The following CADPS2 variants were observed in gnomAD, a reference collection of about 807,000 sequenced individuals.
The protein encoded by CADPS2 is calcium dependent secretion activator 2, also known as calcium-dependent secretion activator 2.
CADPS2 carries 93 observed loss-of-function variants against 172.5 expected under a neutral mutation model. The ratio of observed to expected loss-of-function variants is 0.54; its 90% CI spans 0.46 to 0.64. The LOEUF is 0.64. Among genes scored for constraint, CADPS2 ranks in the 30% least tolerant of loss-of-function variants. CADPS2 has a pLI of 0.00. For synonymous variants in CADPS2, 546 were observed against 555.2 expected (o/e 0.98, Z 0.23); for missense variants, 1,420 against 1,565.9 (o/e 0.91, Z 1.57).
rs1158141537 is a variant in CADPS2 at position 122,886,174 on chromosome 7, C to T, written c.164G>A (p.Arg55Lys). Residue 55 changes from arginine (R) to lysine (K), a missense_variant, in exon 1 of 30, where the codon AGA becomes AAA. Coordinates refer to ENST00000449022, the MANE Select transcript of CADPS2 (RefSeq NM_017954.11). ...PGRAGGGGAARSVSPSPSVLS... is the reference protein window; with the variant it reads ...PGRAGGGGAAKSVSPSPSVLS... ...CACAGAGGGGCTCGGGCTCACAGAT[C>T]TGGCCGCGCCGCCGCCGCCCGCGCG... The T allele has an allele frequency of 6.7e-7, 1 of 1,484,696 alleles. No individual in the cohort carries two copies. The highest frequency in any genetic ancestry group is 8.9e-7 in the Non-Finnish European group (1 of 1,125,684). 92.0% of individuals were successfully genotyped at this position (1,484,696 alleles called of 1,614,324 possible). A position where few individuals can be genotyped will look rare whatever the true frequency, so the allele number is the denominator to read the frequency against.
chr7:122,491,480 C>A, intron 9 of CADPS2, 60 bp from the exon 10 acceptor site: 2 of 837,506 alleles, frequency 2.4e-6, no homozygotes, highest in South Asian at 1.9e-5. Flanking sequence ...ATTTAACTTT[C>A]GTTTTTTTAT....
Position 122,705,753 on chromosome 7 carries a change from TA to T in CADPS2, c.453+31201del, listed in dbSNP as rs1297832486. On this transcript the variant is annotated intron_variant, in intron 2 of 29. Coordinates refer to ENST00000449022, the MANE Select transcript of CADPS2 (RefSeq NM_017954.11). ...TATATTATATAATATATAATATATATAATATATAATATATGATATATTATAT... is the reference window on the plus strand; with the variant it reads ...TATATTATATAATATATAATATATATATATATAATATATGATATATTATAT... Among the ~76,000 whole-genome samples the T allele has an allele frequency of 2.0e-3, 23 of 11,592 alleles. 4 individuals carry two copies. The highest frequency in any genetic ancestry group is 6.2e-3 in the African/African-American group (23 of 3,728). 7.6% of individuals were successfully genotyped at this position (11,592 alleles called of 152,430 possible). A position where few individuals can be genotyped will look rare whatever the true frequency, so the allele number is the denominator to read the frequency against.
chr7:122,570,139 G>A (rs9690349), intron 7 of CADPS2, among the ~76,000 whole-genome samples: 86,906 of 143,520 alleles, frequency 0.61, 26,934 homozygotes, highest in African/African-American at 0.72. Context: ...CTCATCTGAC[G>A]AAGGGCTAAT....
chr7:122,620,911 A>G (rs575393996), intron 5 of CADPS2, among the ~76,000 whole-genome samples: 31 of 151,980 alleles, frequency 2.0e-4, no homozygotes, highest in African/African-American at 7.5e-4. Flanking sequence ...AATTTTTGTT[A>G]TTGTTTTATT....
chr7:122,581,944 C>G (rs1331029666), intron 6 of CADPS2, among the ~76,000 whole-genome samples: 2 of 152,098 alleles, frequency 1.3e-5, no homozygotes, highest in African/African-American at 4.8e-5. Context: ...CTTGGCTTAT[C>G]TCTTAATTAA....
At chr7:122,733,828 A>G (rs1218569688) in intron 2 of CADPS2, among the ~76,000 whole-genome samples, 5 of 152,070 alleles carry the variant, frequency 3.3e-5, no homozygotes, top group East Asian at 3.9e-4. Flanking sequence ...CTAGTGCAAA[A>G]TCTTTCACTA....
chr7:122,646,357 A>G (rs1372457672), intron 3 of CADPS2, among the ~76,000 whole-genome samples: 2 of 152,108 alleles, frequency 1.3e-5, no homozygotes, highest in Non-Finnish European at 2.9e-5. Flanking sequence ...GTAAACATCA[A>G]TGCAAAGTAC....
At chr7:122,323,369 AAAG>A (rs2033010217) in intron 29 of CADPS2, among the ~76,000 whole-genome samples, 1 of 152,096 alleles carries the variant, frequency 6.6e-6, no homozygotes, top group African/African-American at 2.4e-5. Flanking sequence ...AGAATATATT[AAAG>A]AAGATATACT....
chr7:122,546,533 CT>C (rs1479021164), intron 8 of CADPS2, among the ~76,000 whole-genome samples: 1 of 143,694 alleles, frequency 7.0e-6, no homozygotes, highest in African/African-American at 2.7e-5. Flanking sequence ...ATTTTCTCCT[CT>C]TTAGACCTCT....
rs763405991 is a variant in CADPS2 at position 122,490,264 on chromosome 7, T to C, written c.1669A>G (p.Met557Val). ...DPHPGLQGGC[M>V]FFNAVKEGDT... The stretch of plus-strand genomic sequence containing the variant: ...CCTTCTTTAACAGCATTAAAGAACA[T>C]ACAACCACCCTGAAGGCCTGTGGAG... Residue 557 changes from methionine to valine, a missense_variant, in exon 11 of 30, where the codon ATG (methionine) becomes GTG (valine). Physicochemically the swap from Met to Val is conservative, Grantham distance 21. Coordinates refer to ENST00000449022, the MANE Select transcript of CADPS2 (RefSeq NM_017954.11). 1.9e-5 allele frequency: 30 copies of C among 1,612,872 alleles called. No homozygotes were observed. Among genetic ancestry groups the C allele is most frequent in the Non-Finnish European group, 2.5e-5 (30 of 1,179,380 alleles).
intron 1 of CADPS2, among the ~76,000 whole-genome samples, chr7:122,846,919 A>G (rs1331718976): frequency 6.6e-6 from 1 of 152,190 alleles, no homozygotes; most frequent in Non-Finnish European, 1.5e-5. Context: ...ATTAAAATGC[A>G]GATTCCTAGG....
At chr7:122,810,987 T>C (rs1799905367) in intron 1 of CADPS2, among the ~76,000 whole-genome samples, 1 of 152,234 alleles carries the variant, frequency 6.6e-6, no homozygotes, top group South Asian at 2.1e-4. Flanking sequence ...TAATATATTC[T>C]AGTGCTTGTA....
Position 122,438,389 on chromosome 7 carries a change from C to T in CADPS2, c.2428G>A (p.Ala810Thr). The T allele has an allele frequency of 6.2e-7, 1 of 1,613,214 alleles. No homozygotes were observed. The highest frequency in any genetic ancestry group is 8.5e-7 in the Non-Finnish European group (1 of 1,179,382). The change falls in exon 17 of 30, where the codon GCT (alanine) becomes ACT (threonine). Residue 810 changes from alanine (A) to threonine (T), a missense_variant. Physicochemically the swap from Ala to Thr is moderately conservative, Grantham distance 58. Transcript: ENST00000449022. The part of the protein sequence containing the change: ...KKVVRKCLEK[A>T]ALINYTRLTE... Reference sequence around the variant, plus strand: ...AGTCTAGTGTAATTGATCAAGGCAGCTTTCTCGAGACATTTTCTGACCACT... The same window carrying T: ...AGTCTAGTGTAATTGATCAAGGCAGTTTTCTCGAGACATTTTCTGACCACT...
At chr7:122,494,636 T>C (rs966838224) in intron 9 of CADPS2, among the ~76,000 whole-genome samples, 2 of 151,644 alleles carry the variant, frequency 1.3e-5, no homozygotes, top group Non-Finnish European at 2.9e-5. Flanking sequence ...TATTTTATAG[T>C]GTTGAGTTTT....
At chr7:122,327,054 T>C (rs1324495899) in intron 28 of CADPS2, among the ~76,000 whole-genome samples, 4 of 152,066 alleles carry the variant, frequency 2.6e-5, no homozygotes, top group Admixed American at 6.6e-5. Context: ...TCCTTCCTAA[T>C]GAGCACTTTC....
Position 122,621,547 on chromosome 7 carries a change from C to G in CADPS2, c.1038G>C (p.Leu346Phe). 1 of 1,613,784 alleles carries G rather than the reference C, an allele frequency of 6.2e-7. No individual in the cohort carries two copies. Among genetic ancestry groups the G allele is most frequent in the Non-Finnish European group, 8.5e-7 (1 of 1,179,802 alleles). ...GAATCTCATTCTCATCTCCTATGTC[C>G]AAAAATGCAGAGTTCTGTGAACGTT... ...KLKRSQNSAF[L>F]DIGDENEIQL... The change falls in exon 5 of 30, where the codon TTG becomes TTC. Residue 346 changes from leucine (L) to phenylalanine (F), a missense_variant. By Grantham distance (22) the Leu-to-Phe change is conservative. Transcript: ENST00000449022.
At chr7:122,772,354 G>A (rs1246333806) in intron 1 of CADPS2, among the ~76,000 whole-genome samples, 1 of 152,136 alleles carries the variant, frequency 6.6e-6, no homozygotes, top group Non-Finnish European at 1.5e-5. Context: ...ACCATAAACT[G>A]ATGTTAATAC....
At chr7:122,824,586 C>T (rs991544685) in intron 1 of CADPS2, among the ~76,000 whole-genome samples, 2 of 152,148 alleles carry the variant, frequency 1.3e-5, no homozygotes, top group Non-Finnish European at 2.9e-5. Context: ...TTAGTTATTA[C>T]ATCTTCCTAA....
intron 9 of CADPS2, among the ~76,000 whole-genome samples, chr7:122,501,156 A>G (rs1244563542): frequency 6.6e-6 from 1 of 151,858 alleles, no homozygotes; most frequent in Non-Finnish European, 1.5e-5. Context: ...TTGGGAGGAT[A>G]AGGTGGGAGG....
Sources: allele counts gnomAD v4.1 joint callset (sites outside exome capture counted in the v4.1 genomes callset), GRCh38; gene constraint gnomAD v4.1.1; transcripts MANE v1.5; gene names NCBI Gene and HGNC (gene_info 2026-07-23, HGNC 2026-07-21).